Variants in PDE1C observed in about 807,000 individuals in gnomAD.
PDE1C encodes dual specificity calcium/calmodulin-dependent 3',5'-cyclic nucleotide phosphodiesterase 1C.
Under a neutral mutation model 93.1 loss-of-function variants are expected in PDE1C, and 62 were observed. The ratio of observed to expected loss-of-function variants is 0.67; its 90% CI spans 0.54 to 0.82. The LOEUF is 0.82. PDE1C is among the 40% of genes least tolerant of loss of function. PDE1C has a pLI of 0.00. For synonymous variants in PDE1C, 325 were observed against 310.1 expected, an observed-to-expected ratio of 1.05 and a Z score of -0.50; for missense variants, 742 against 884.6, an observed-to-expected ratio of 0.84 and a Z score of 2.04.
intron 2 of PDE1C, among the ~76,000 whole-genome samples, chr7:31,994,246 A>T (rs1229262361): frequency 6.6e-6 from 1 of 152,154 alleles, no homozygotes; most frequent in Non-Finnish European, 1.5e-5. Flanking sequence ...CTTATGTCTT[A>T]GTTTTCTCAC....
rs1784013779 is a variant in PDE1C at position 31,786,899 on chromosome 7, AT to A, written c.1892-11168del. 9 of 4,496 alleles carry A rather than the reference AT, an allele frequency of 2.0e-3. No homozygotes were observed. The Non-Finnish European group carries it at 0.021, about 10-fold the overall frequency. The allele number at this position is 4,496 out of a possible 1,614,324, so 0.3% of individuals were successfully genotyped here. On this transcript the variant is annotated intron_variant, in intron 16 of 17. Transcript: ENST00000396191. ...AAGAAGAAAATATATTATATTATCT[AT>A]CTATCTATCTATCTATCTATCTATC...
chr7:31,814,797 G>T (rs997592222), intron 15 of PDE1C, among the ~76,000 whole-genome samples: 1 of 151,200 alleles, frequency 6.6e-6, no homozygotes, highest in Non-Finnish European at 1.5e-5. Flanking sequence ...CCTGTGCTGT[G>T]AATAGGTATT....
intron 2 of PDE1C, among the ~76,000 whole-genome samples, chr7:32,024,573 A>G (rs559375195): frequency 6.6e-6 from 1 of 152,220 alleles, no homozygotes; most frequent in Non-Finnish European, 1.5e-5. Context: ...ATAACCTCAC[A>G]TCTTGGTGAA....
intron 3 of PDE1C, chr7:32,077,732 G>A (rs992491997): frequency 1.5e-5 from 5 of 335,596 alleles, no homozygotes; most frequent in Non-Finnish European, 1.3e-5. Context: ...CACCACACCC[G>A]GCTAATTTTT....
At chr7:31,749,145 T>C (rs148658526), downstream of PDE1C, among the ~76,000 whole-genome samples, 78 of 152,198 alleles carry the variant, frequency 5.1e-4, no homozygotes, top group Admixed American at 9.8e-4. Flanking sequence ...AAGGCTTAAC[T>C]GGCTTGCAGA....
At chr7:32,284,196 G>C (rs1811858202) in intron 1 of PDE1C, among the ~76,000 whole-genome samples, 1 of 152,180 alleles carries the variant, frequency 6.6e-6, no homozygotes, top group African/African-American at 2.4e-5. Context: ...TGCAAAATAT[G>C]CATAATGAAT....
chr7:31,908,062 T>A (rs992602190), intron 2 of PDE1C, among the ~76,000 whole-genome samples: 2 of 152,204 alleles, frequency 1.3e-5, no homozygotes, highest in Non-Finnish European at 2.9e-5. Flanking sequence ...ACAACTTTTA[T>A]CTTGACTTCA....
At position 31,823,042 on chromosome 7, in the gene PDE1C, A is replaced by C. The variant is rs369252925; in HGVS notation, c.1582+31T>G. 53 of 1,542,970 alleles carry C rather than the reference A, an allele frequency of 3.4e-5. No individual in the cohort carries two copies. The African/African-American group carries it at 6.1e-4, about 18-fold the overall frequency. On this transcript the variant is annotated intron_variant, in intron 14 of 17. Transcript: ENST00000396191. ...GAGAGGACAACCTTGTTTTATGCTG[A>C]ATTGGTTTGGACAGGTCTGTGGCAT...
chr7:31,753,534 A>G lies in PDE1C; in HGVS notation c.1980T>C (p.Arg660=), dbSNP rs2128594418. The change falls in exon 18 of 18, where the codon CGT becomes CGC. Residue 660 remains arginine (R), a synonymous_variant. Coordinates refer to ENST00000396191, the MANE Select transcript of PDE1C (RefSeq NM_001191057.4). ...ATGCGTAAGCAGGGCGTTTAAAATG[A>G]CGCAAAGGAGGCTTGATGACTGGCG... ...LTLPVIKPPL[R]HFKRPAYASS... 1.2e-6 allele frequency: 2 copies of G among 1,610,742 alleles called. No individual in the cohort carries two copies. The highest frequency in any genetic ancestry group is 2.7e-5 in the African/African-American group (2 of 74,930).
intron 1 of PDE1C, among the ~76,000 whole-genome samples, chr7:32,421,761 C>A (rs1785436703): frequency 6.6e-6 from 1 of 152,142 alleles, no homozygotes; most frequent in South Asian, 2.1e-4. Flanking sequence ...CCATCTGCCC[C>A]ATCTACCTCA....
intron 14 of PDE1C, among the ~76,000 whole-genome samples, chr7:31,819,226 T>C (rs139806414): frequency 1.3e-5 from 2 of 152,220 alleles, no homozygotes; most frequent in African/African-American, 4.8e-5. Flanking sequence ...TGTGATCGAC[T>C]GCATGACACC....
At chr7:32,195,585 C>T (rs1226328116) in intron 2 of PDE1C, among the ~76,000 whole-genome samples, 1 of 152,148 alleles carries the variant, frequency 6.6e-6, no homozygotes, top group Non-Finnish European at 1.5e-5. Flanking sequence ...GGTTCAGTGG[C>T]TTATGCCTGT....
intron 3 of PDE1C, among the ~76,000 whole-genome samples, chr7:32,120,228 GA>G (rs1288184883): frequency 6.6e-6 from 1 of 152,180 alleles, no homozygotes; most frequent in Non-Finnish European, 1.5e-5. Flanking sequence ...CTCAGGGACA[GA>G]ACCCTGATCT....
At chr7:31,930,246 T>C (rs960157924) in intron 2 of PDE1C, among the ~76,000 whole-genome samples, 1 of 152,142 alleles carries the variant, frequency 6.6e-6, no homozygotes, top group Non-Finnish European at 1.5e-5. Flanking sequence ...TAACAAGTTC[T>C]GAAATTGAGG....
chr7:32,076,117 A>C (rs1036708900), upstream of PDE1C, among the ~76,000 whole-genome samples: 1 of 152,144 alleles, frequency 6.6e-6, no homozygotes, highest in Admixed American at 6.5e-5. Flanking sequence ...ACTATAATAG[A>C]CATAACCTAG....
chr7:31,737,925 T>C, the PDE1C span, among the ~76,000 whole-genome samples: 4 of 152,052 alleles, frequency 2.6e-5, no homozygotes, highest in Admixed American at 1.3e-4. Context: ...CAAAGGACTG[T>C]TATATAGGTT....
At chr7:31,806,630 A>G (rs747783649) in intron 16 of PDE1C, among the ~76,000 whole-genome samples, 3 of 151,868 alleles carry the variant, frequency 2.0e-5, no homozygotes, top group Non-Finnish European at 4.4e-5. Flanking sequence ...AGCACATACT[A>G]CTTCCCCCTG....
intron 17 of PDE1C, among the ~76,000 whole-genome samples, chr7:31,765,237 T>C (rs1795067715): frequency 6.6e-6 from 1 of 152,166 alleles, no homozygotes; most frequent in African/African-American, 2.4e-5. Context: ...TCCTATCAAA[T>C]GCCCTGTGAC....
At chr7:32,363,133 G>GA (rs2128085800) in intron 1 of PDE1C, among the ~76,000 whole-genome samples, 1 of 149,038 alleles carries the variant, frequency 6.7e-6, no homozygotes, top group African/African-American at 2.6e-5. Flanking sequence ...CTTTGAAAGT[G>GA]AAAGGGGGCA....
Sources: allele counts gnomAD v4.1 joint callset (sites outside exome capture counted in the v4.1 genomes callset), GRCh38; gene constraint gnomAD v4.1.1; transcripts MANE v1.5; gene names NCBI Gene and HGNC (gene_info 2026-07-23, HGNC 2026-07-21).